The following TXNRD2 variants were observed in gnomAD, a reference collection of about 807,000 sequenced individuals.
The protein encoded by TXNRD2 is thioredoxin reductase 2.
A neutral mutation model predicts 70.8 loss-of-function variants in TXNRD2; 67 were observed. The observed-to-expected ratio is 0.95, with a 90% CI of 0.78 to 1.16. TXNRD2 has a LOEUF of 1.16. TXNRD2 is among the 50% of genes most tolerant of loss of function. The pLI is 0.00. For missense variants in TXNRD2, 644 were observed against 719.9 expected, an observed-to-expected ratio of 0.89 and a Z score of 1.21; for synonymous variants, 301 against 295.8, an observed-to-expected ratio of 1.02 and a Z score of -0.18.
At chr22:19,880,414 G>A in intron 13 of TXNRD2, 143 bp from the exon 14 acceptor site, 1 of 937,848 alleles carries the variant, frequency 1.1e-6, no homozygotes, top group East Asian at 2.6e-5. Flanking sequence ...CGACCCACCT[G>A]CCCACGCCTG....
chr22:19,880,348 G>A, intron 13 of TXNRD2, 77 bp from the exon 14 acceptor site: 1 of 1,448,898 alleles, frequency 6.9e-7, no homozygotes, highest in Non-Finnish European at 9.6e-7. Flanking sequence ...GACACAAAGA[G>A]CAGCGATCAC....
At chr22:19,925,848 CTT>C (rs1223023417) in intron 2 of TXNRD2, among the ~76,000 whole-genome samples, 1 of 150,820 alleles carries the variant, frequency 6.6e-6, no homozygotes, top group Non-Finnish European at 1.5e-5. Context: ...AAATTTAAAA[CTT>C]TTGTGGCACA....
intron 7 of TXNRD2, among the ~76,000 whole-genome samples, chr22:19,912,041 C>CT (rs1341595550): frequency 1.3e-5 from 2 of 152,136 alleles, no homozygotes; most frequent in Non-Finnish European, 2.9e-5. Context: ...AGGGGCAGCT[C>CT]TGAGGGCACC....
At chr22:19,909,887 TCA>T (rs137905263) in intron 8 of TXNRD2, among the ~76,000 whole-genome samples, 29 of 7,622 alleles carry the variant, frequency 3.8e-3, no homozygotes, top group South Asian at 0.019. Context: ...CACACACCAC[TCA>T]CACACACACA....
chr22:19,890,990 C>T (rs982524415), intron 11 of TXNRD2, among the ~76,000 whole-genome samples: 6 of 152,158 alleles, frequency 3.9e-5, no homozygotes, highest in African/African-American at 9.7e-5. Flanking sequence ...ACACGTGCCA[C>T]GTGGGGGAGA....
chr22:19,905,775 G>A (rs534787730), intron 8 of TXNRD2, among the ~76,000 whole-genome samples: 19 of 152,164 alleles, frequency 1.2e-4, no homozygotes, highest in African/African-American at 2.9e-4. Context: ...AACTCAGGAC[G>A]CCGAGTGAGA....
chr22:19,920,836 C>T (rs1356972501), intron 2 of TXNRD2, among the ~76,000 whole-genome samples: 2 of 152,350 alleles, frequency 1.3e-5, no homozygotes, highest in Non-Finnish European at 2.9e-5. Flanking sequence ...GGTGCAGCGG[C>T]TCATGCCTGT....
chr22:19,931,884 G>T (rs1040558118), intron 1 of TXNRD2, among the ~76,000 whole-genome samples: 2 of 152,124 alleles, frequency 1.3e-5, no homozygotes, highest in Non-Finnish European at 2.9e-5. Context: ...GCACAGGCTA[G>T]GGGCGGTAGC....
intron 12 of TXNRD2, chr22:19,881,241 G>A (rs1237116601): frequency 2.0e-5 from 8 of 399,030 alleles, no homozygotes; most frequent in East Asian, 3.6e-5. Flanking sequence ...CCAGCCTTGG[G>A]GGTTCCAGCA....
intron 1 of TXNRD2, among the ~76,000 whole-genome samples, chr22:19,937,718 CT>C (rs1819248587): frequency 6.6e-6 from 1 of 152,190 alleles, no homozygotes; most frequent in South Asian, 2.1e-4. Flanking sequence ...CTGTTAAAAA[CT>C]TAAAAGCGGC....
At chr22:19,886,957 T>C (rs1196890601) in intron 11 of TXNRD2, among the ~76,000 whole-genome samples, 1 of 151,976 alleles carries the variant, frequency 6.6e-6, no homozygotes, top group Non-Finnish European at 1.5e-5. Context: ...GCCAGCTGAG[T>C]GGGGGCTTCT....
At chr22:19,886,073 G>A (rs944418244) in intron 11 of TXNRD2, among the ~76,000 whole-genome samples, 2 of 152,260 alleles carry the variant, frequency 1.3e-5, no homozygotes, top group Admixed American at 6.5e-5. Context: ...TGGGCTGCGC[G>A]GCACAGACAC....
At chr22:19,892,345 C>T (rs891645926) in intron 11 of TXNRD2, among the ~76,000 whole-genome samples, 14 of 152,374 alleles carry the variant, frequency 9.2e-5, no homozygotes, top group African/African-American at 3.1e-4. Context: ...CAGCACATGC[C>T]CGAGCGGCCC....
rs45511293 is a variant in TXNRD2 at position 19,941,618 on chromosome 22, T to TG, written c.103+82dup. The TG allele has an allele frequency of 6.9e-3, 9,355 of 1,360,916 alleles. 560 individuals carry two copies. In the African/African-American group the frequency reaches 0.13, roughly 19 times the overall value. 84.3% of individuals were successfully genotyped at this position (1,360,916 alleles called of 1,614,324 possible). A position where few individuals can be genotyped will look rare whatever the true frequency, so the allele number is the denominator to read the frequency against. On this transcript the variant is annotated intron_variant, in intron 1 of 17. Transcript: ENST00000400521. ...CGTGGGCACCCCCACGGGGACACCC[T>TG]GGCCACCGCCGCGCGGACACCCTCA...
At chr22:19,909,540 C>A (rs77186567) in intron 8 of TXNRD2, among the ~76,000 whole-genome samples, 1 of 115,048 alleles carries the variant, frequency 8.7e-6, no homozygotes, top group Non-Finnish European at 1.8e-5. Context: ...ACCACACACA[C>A]ACATAACCAC....
intron 11 of TXNRD2, among the ~76,000 whole-genome samples, chr22:19,885,060 C>T (rs1035509135): frequency 5.3e-5 from 8 of 152,238 alleles, no homozygotes; most frequent in Admixed American, 3.3e-4. Context: ...ACAGCTGCCC[C>T]CTGCCAGTCT....
At chr22:19,895,021 T>G (rs1391232817) in intron 11 of TXNRD2, 10 of 1,527,310 alleles carry the variant, frequency 6.5e-6, no homozygotes, top group Admixed American at 2.0e-5. Flanking sequence ...ACCTGGAAGG[T>G]GACAAGTAGG....
chr22:19,877,138 G>T lies in TXNRD2; in HGVS notation c.1542C>A (p.Gly514=), dbSNP rs1339896104. 6.2e-7 allele frequency: 1 copy of T among 1,608,698 alleles called. No individual in the cohort carries two copies. Among genetic ancestry groups the T allele is most frequent in the Non-Finnish European group, 8.5e-7 (1 of 1,176,402 alleles). The change falls in exon 17 of 18, where the codon GGC becomes GGA. Residue 514 remains glycine (G), a synonymous_variant. Transcript: ENST00000400521. ...AGCAGCCTGTCACCGTGGGGTCCAG[G>T]CCTGAGCGCTTGGAGATGCGCAGCT... The part of the protein sequence containing the change: ...VVKLRISKRS[G]LDPTVTGCUG
intron 2 of TXNRD2, among the ~76,000 whole-genome samples, chr22:19,922,310 C>T (rs1940947456): frequency 2.6e-5 from 4 of 152,070 alleles, no homozygotes; most frequent in Non-Finnish European, 5.9e-5. Flanking sequence ...GCCCTAACTC[C>T]ACCTTATCAC....
Sources: gnomAD v4.1 joint callset for allele counts (sites outside exome capture counted in the v4.1 genomes callset) on GRCh38, gnomAD v4.1.1 for gene constraint, MANE v1.5 for transcripts, NCBI Gene and HGNC (gene_info 2026-07-23, HGNC 2026-07-21) for gene names.